Variants in PC observed in about 807,000 individuals in gnomAD.
PC encodes the protein pyruvate carboxylase, also known as pyruvate carboxylase, mitochondrial.
PC carries 46 observed loss-of-function variants against 107.8 expected under a neutral mutation model. That is an observed-to-expected ratio of 0.43 (90% CI 0.34 to 0.55). The LOEUF is 0.55. PC is among the 20% of genes least tolerant of loss of function. The pLI is 0.04. For missense variants in PC, 1,241 were observed against 1,643.1 expected (o/e 0.76, Z 4.23); for synonymous variants, 662 against 684.7 (o/e 0.97, Z 0.52).
chr11:66,858,334 G>T lies in PC; in HGVS notation c.1369-4951C>A. Reference sequence around the variant, plus strand: ...TTCGCCCAGCTCGGTCAGCTCTCCCGCCTGGACCTCACCTCCAACCGCCTG... The same window carrying T: ...TTCGCCCAGCTCGGTCAGCTCTCCCTCCTGGACCTCACCTCCAACCGCCTG... On this transcript the variant is annotated intron_variant, in intron 12 of 22. Coordinates refer to ENST00000393960, the MANE Select transcript of PC (RefSeq NM_001040716.2). This position sits in a 1 kb window ranked among gnomAD's most constrained non-coding sequence, Gnocchi z 5.9. The T allele has an allele frequency of 6.2e-7, 1 of 1,605,466 alleles. No homozygotes were observed. The highest frequency in any genetic ancestry group is 8.5e-7 in the Non-Finnish European group (1 of 1,178,402).
intron 3 of PC, among the ~76,000 whole-genome samples, chr11:66,880,250 C>T (rs1422429667): frequency 6.6e-6 from 1 of 152,196 alleles, no homozygotes; most frequent in Non-Finnish European, 1.5e-5. Context: ...CCTCACACCA[C>T]CCTCTCTCCA....
At chr11:66,875,640 G>A (rs1946947834) in intron 3 of PC, among the ~76,000 whole-genome samples, 1 of 152,138 alleles carries the variant, frequency 6.6e-6, no homozygotes, top group South Asian at 2.1e-4. Flanking sequence ...GCTCTCAGGA[G>A]GATGGGGCGC....
chr11:66,864,401 C>T (rs749987117), intron 11 of PC, among the ~76,000 whole-genome samples: 2 of 152,270 alleles, frequency 1.3e-5, no homozygotes, highest in Non-Finnish European at 2.9e-5. Context: ...GGCTCCCAGA[C>T]AGCGAGGGGA....
In PC at chr11:66,870,271, C is replaced by A; in HGVS notation, c.903+31G>T. On this transcript the variant is annotated intron_variant, in intron 9 of 22. Transcript: ENST00000393960. The surrounding 1 kb of genome is among the most constrained non-coding windows in gnomAD (Gnocchi z 6.1). ...GCCTGCCGGCCTGTGAGCACAGGCT[C>A]CTGTCCCAACACGGGAAGCCCACCC... 2 of 1,611,124 alleles carry A rather than the reference C, an allele frequency of 1.2e-6. No homozygotes were observed. Among genetic ancestry groups the A allele is most frequent in the South Asian group, 1.1e-5 (1 of 91,020 alleles).
intron 10 of PC, among the ~76,000 whole-genome samples, chr11:66,867,041 G>C (rs894431686): frequency 2.0e-5 from 3 of 152,094 alleles, no homozygotes; most frequent in Non-Finnish European, 2.9e-5. Flanking sequence ...CTGCTCCTAA[G>C]GGCAGTCACA....
At chr11:66,942,163 C>T (rs1412242594) in intron 3 of PC, among the ~76,000 whole-genome samples, 3 of 150,434 alleles carry the variant, frequency 2.0e-5, no homozygotes, top group African/African-American at 7.3e-5. Flanking sequence ...CTTTGGGAGG[C>T]CGAGGTGGAC....
intron 3 of PC, among the ~76,000 whole-genome samples, chr11:66,898,639 C>T (rs1251652063): frequency 6.6e-6 from 1 of 152,166 alleles, no homozygotes; most frequent in Non-Finnish European, 1.5e-5. Context: ...GAGATTGCGC[C>T]ACTGCATTCC....
rs368895283 is a variant in PC, at chr11:66,849,782, C to T, written c.2976G>A (p.Lys992=). ...LPPLDLQALE[K]ELVDRHGEEV... ...CCTCCCCATGCCGGTCTACCAGCTC[C>T]TTCTCCAGTGCCTGCAGATCCAGGG... The change falls in exon 21 of 23, where the codon AAG becomes AAA. Residue 992 remains lysine, a synonymous_variant. Coordinates refer to ENST00000393960, the MANE Select transcript of PC (RefSeq NM_001040716.2). The T allele has an allele frequency of 1.9e-6, 3 of 1,613,984 alleles. No individual in the cohort carries two copies. The highest frequency in any genetic ancestry group is 2.7e-5 in the African/African-American group (2 of 74,942).
chr11:66,878,106 C>T (rs1260052224), intron 3 of PC, among the ~76,000 whole-genome samples: 2 of 152,168 alleles, frequency 1.3e-5, no homozygotes, highest in Admixed American at 1.3e-4. Flanking sequence ...GGTGGGAGGA[C>T]TTGGCTATGT....
intron 3 of PC, among the ~76,000 whole-genome samples, chr11:66,912,364 C>T (rs1465320566): frequency 6.6e-6 from 1 of 152,084 alleles, no homozygotes; most frequent in Non-Finnish European, 1.5e-5. Context: ...GCCTGGGGAC[C>T]CTAGTTTGAG....
In PC at chr11:66,919,976, AG is replaced by A; in HGVS notation, c.-1+32453del. Among the ~76,000 whole-genome samples, 2 of 152,334 alleles carry A rather than the reference AG, an allele frequency of 1.3e-5. 1 individual carries two copies. ...CTTCTGCAAATGGCTTGATAATAGC[AG>A]TTACAGCCTTGAAATGTAGGTTACC... On this transcript the variant is annotated intron_variant, in intron 3 of 22. Coordinates refer to ENST00000393960, the MANE Select transcript of PC (RefSeq NM_001040716.2).
chr11:66,851,000 C>T (rs2135802275), intron 17 of PC, 40 bp downstream of exon 17: 1 of 1,609,900 alleles, frequency 6.2e-7, no homozygotes. Context: ...GGGGACATGG[C>T]CGGGGCAGAG....
At chr11:66,946,162 T>G (rs1034705460) in intron 3 of PC, among the ~76,000 whole-genome samples, 1 of 151,578 alleles carries the variant, frequency 6.6e-6, no homozygotes, top group Admixed American at 6.6e-5. Context: ...GAGAATATGG[T>G]CTGTTTAGAA....
chr11:66,860,002 C>A lies in PC; in HGVS notation c.1368+3772G>T. On this transcript the variant is annotated intron_variant, in intron 12 of 22. Transcript: ENST00000393960. Reference sequence around the variant, plus strand: ...CCCAGCCCCACACCCAAGGCCCACCCGCCGCGGAGCCCCCCGCCCCGGCCG... The same window carrying A: ...CCCAGCCCCACACCCAAGGCCCACCAGCCGCGGAGCCCCCCGCCCCGGCCG... The A allele has an allele frequency of 1.3e-6, 2 of 1,593,450 alleles. No homozygotes were observed. Among genetic ancestry groups the A allele is most frequent in the Non-Finnish European group, 1.7e-6 (2 of 1,170,082 alleles).
At position 66,946,458 on chromosome 11, in the gene PC, G is replaced by A. The variant is rs547273585; in HGVS notation, c.-1+5972C>T. 5.1e-4 allele frequency among the ~76,000 whole-genome samples: 77 copies of A among 151,942 alleles called. 1 individual carries two copies. The highest frequency in any genetic ancestry group is 2.3e-3 in the East Asian group (12 of 5,150). On this transcript the variant is annotated intron_variant, in intron 3 of 22. Coordinates refer to ENST00000393960, the MANE Select transcript of PC (RefSeq NM_001040716.2). ...AGCCTGGCCAATATGGTGAAACCCC[G>A]TCTCTACTAAAAATACAAAAATTAG...
chr11:66,857,759 CCTGCTGCTG>C lies in PC; in HGVS notation c.1369-4385_1369-4377del. On this transcript the variant is annotated intron_variant, in intron 12 of 22. Coordinates refer to ENST00000393960, the MANE Select transcript of PC (RefSeq NM_001040716.2). This position sits in a 1 kb window ranked among gnomAD's most constrained non-coding sequence, Gnocchi z 7.1. ...GGGCGCTCACCATGGCCCCGCCGCT[CCTGCTGCTG>C]CTGCTGGCCAGTGGAGCGGCCGCCT... The C allele has an allele frequency of 1.3e-6, 2 of 1,593,026 alleles. No homozygotes were observed. The highest frequency in any genetic ancestry group is 1.7e-6 in the Non-Finnish European group (2 of 1,176,160).
At chr11:66,856,346 C>T (rs914845419) in intron 12 of PC, among the ~76,000 whole-genome samples, 6 of 151,628 alleles carry the variant, frequency 4.0e-5, no homozygotes, top group Admixed American at 2.6e-4. Context: ...GGCTCCGGAA[C>T]GCCTGGCCCG....
Position 66,857,505 on chromosome 11 carries a change from G to C in PC, c.1369-4122C>G. The C allele has an allele frequency of 2.0e-6, 1 of 499,464 alleles. No individual in the cohort carries two copies. Among genetic ancestry groups the C allele is most frequent in the East Asian group, 3.1e-5 (1 of 32,136 alleles). The allele number at this position is 499,464 out of a possible 1,614,324, so 30.9% of individuals were successfully genotyped here. On this transcript the variant is annotated intron_variant, in intron 12 of 22. Transcript: ENST00000393960. The surrounding 1 kb of genome is among the most constrained non-coding windows in gnomAD (Gnocchi z 7.1). ...CGCTTCCTGCCTCATGCCTCACCTT[G>C]TCCCCAGCGCCTGGACTCCCCCTTA... is the stretch of plus-strand genomic sequence containing the variant.
intron 3 of PC, among the ~76,000 whole-genome samples, chr11:66,926,716 CCATTCCCACCCACCCCCAG>C: frequency 6.6e-6 from 1 of 152,200 alleles, no homozygotes; most frequent in Non-Finnish European, 1.5e-5. Context: ...CTGTCATTCC[CCATTCCCACCCACCCCCAG>C]CCCCTGGCAA....
Sources: gnomAD v4.1 joint callset for allele counts (sites outside exome capture counted in the v4.1 genomes callset) on GRCh38, gnomAD v4.1.1 for gene constraint, Gnocchi (gnomAD v3.1) non-coding constraint, MANE v1.5 for transcripts, NCBI Gene and HGNC (gene_info 2026-07-23, HGNC 2026-07-21) for gene names.